The following CADM2 variants were observed in gnomAD, a reference collection of about 807,000 sequenced individuals.
CADM2 encodes cell adhesion molecule 2.
In CADM2, 12 loss-of-function variants were observed where a neutral mutation model predicts 49.8. The ratio of observed to expected loss-of-function variants is 0.24; its 90% CI spans 0.15 to 0.39. The LOEUF (loss-of-function observed/expected upper bound fraction) is 0.39, where lower values mean the gene tolerates loss of function less well. Ranked by LOEUF, CADM2 falls within the 10% of genes least tolerant of loss-of-function variation. The pLI is 1.00. For missense variants in CADM2, 378 were observed against 492.3 expected (o/e 0.77, Z 2.20); for synonymous variants, 214 against 175.4 (o/e 1.22, Z -1.74).
At chr3:85,432,615 T>G (rs1236738946) in intron 1 of CADM2, among the ~76,000 whole-genome samples, 1 of 152,128 alleles carries the variant, frequency 6.6e-6, no homozygotes, top group Non-Finnish European at 1.5e-5. Context: ...AGAAATGTAG[T>G]GTACATAAAA....
intron 1 of CADM2, among the ~76,000 whole-genome samples, chr3:84,984,776 T>C (rs1033903400): frequency 6.6e-6 from 1 of 152,170 alleles, no homozygotes; most frequent in African/African-American, 2.4e-5. Flanking sequence ...CTCTAAGGGT[T>C]CTATTTCCAT....
At chr3:85,064,150 G>T (rs1445488454) in intron 1 of CADM2, among the ~76,000 whole-genome samples, 3 of 152,048 alleles carry the variant, frequency 2.0e-5, no homozygotes, top group Non-Finnish European at 4.4e-5. Context: ...CTTGCTCTAG[G>T]AAGCAAATTT....
At chr3:85,569,663 G>T (rs1216957818) in intron 1 of CADM2, among the ~76,000 whole-genome samples, 3 of 146,678 alleles carry the variant, frequency 2.0e-5, no homozygotes, top group Non-Finnish European at 3.0e-5. Context: ...TGGGATGATT[G>T]GTTAGATCAA....
At chr3:85,640,943 T>C (rs1231599342) in intron 1 of CADM2, among the ~76,000 whole-genome samples, 2 of 152,190 alleles carry the variant, frequency 1.3e-5, no homozygotes, top group Non-Finnish European at 2.9e-5. Context: ...AGTTTTTGCC[T>C]AATCTATACC....
At chr3:85,441,776 T>C (rs1167416571) in intron 1 of CADM2, among the ~76,000 whole-genome samples, 1 of 151,400 alleles carries the variant, frequency 6.6e-6, no homozygotes, top group African/African-American at 2.4e-5. Flanking sequence ...TTGAATAGAG[T>C]GGGAGGTTAT....
intron 1 of CADM2, among the ~76,000 whole-genome samples, chr3:84,986,909 G>T (rs887914579): frequency 6.6e-6 from 1 of 151,538 alleles, no homozygotes; most frequent in Admixed American, 6.6e-5. Flanking sequence ...AAAATTAGCT[G>T]GGTGTGGTGG....
At chr3:85,455,184 G>T (rs546436741) in intron 1 of CADM2, among the ~76,000 whole-genome samples, 11 of 152,172 alleles carry the variant, frequency 7.2e-5, no homozygotes, top group African/African-American at 2.4e-4. Flanking sequence ...GCTCAAAAAA[G>T]AAAAAGCTTA....
At chr3:85,076,158 A>G (rs2036933588) in intron 1 of CADM2, among the ~76,000 whole-genome samples, 1 of 152,144 alleles carries the variant, frequency 6.6e-6, no homozygotes, top group Middle Eastern at 3.2e-3. Flanking sequence ...TCTTTAAATA[A>G]TTATCCTCCC....
At chr3:85,034,790 CTTTTTTTTTTTTT>C (rs1179967499) in intron 1 of CADM2, among the ~76,000 whole-genome samples, 1 of 84,098 alleles carries the variant, frequency 1.2e-5, no homozygotes, top group Non-Finnish European at 2.2e-5. Flanking sequence ...AGACATTTTG[CTTTTTTTTTTTTT>C]TTTTTTTTTT....
intron 2 of CADM2, among the ~76,000 whole-genome samples, chr3:85,766,271 G>A (rs1351339532): frequency 2.0e-5 from 3 of 152,036 alleles, no homozygotes; most frequent in Admixed American, 2.0e-4. Flanking sequence ...TGTGCTCTAG[G>A]TAAGATAAAC....
At chr3:85,401,764 C>T (rs910130307) in intron 1 of CADM2, among the ~76,000 whole-genome samples, 6 of 152,078 alleles carry the variant, frequency 3.9e-5, no homozygotes, top group Non-Finnish European at 7.4e-5. Flanking sequence ...TTACCACCAC[C>T]TCTCCCACCC....
chr3:85,326,606 T>C (rs1330852963), intron 1 of CADM2, among the ~76,000 whole-genome samples: 2 of 152,158 alleles, frequency 1.3e-5, no homozygotes, highest in Non-Finnish European at 2.9e-5. Flanking sequence ...AATTTTGAAA[T>C]GATTTTTCAC....
chr3:85,867,173 A>T (rs1481076759), intron 3 of CADM2, among the ~76,000 whole-genome samples: 1 of 152,102 alleles, frequency 6.6e-6, no homozygotes, highest in East Asian at 1.9e-4. Context: ...AAACGTAACA[A>T]CTGTATGTCT....
At chr3:85,090,641 C>G (rs1399205138) in intron 1 of CADM2, among the ~76,000 whole-genome samples, 1 of 152,130 alleles carries the variant, frequency 6.6e-6, no homozygotes. Flanking sequence ...GGCTGTGGAC[C>G]TTACCGGTCA....
At chr3:85,269,677 C>T (rs1005258184) in intron 1 of CADM2, among the ~76,000 whole-genome samples, 2 of 151,282 alleles carry the variant, frequency 1.3e-5, no homozygotes, top group African/African-American at 2.4e-5. Context: ...TCTCTCAGAT[C>T]ACTATGTTCT....
rs559476522 is a variant in CADM2, at chr3:84,986,092, A to G, written c.61+26424A>G. ...AAATAAAAAGTCATCAAGACATTTA[A>G]CATAGAGAATTAGGAAAACACCAGA... On this transcript the variant is annotated intron_variant, in intron 1 of 9. Coordinates refer to ENST00000383699, the MANE Select transcript of CADM2 (RefSeq NM_001167675.2). 5.3e-5 allele frequency among the ~76,000 whole-genome samples: 8 copies of G among 152,352 alleles called. No individual in the cohort carries two copies. In the East Asian group the frequency reaches 9.6e-4, roughly 18 times the overall value.
chr3:85,813,417 T>A (rs2073009019), intron 3 of CADM2, among the ~76,000 whole-genome samples: 1 of 152,180 alleles, frequency 6.6e-6, no homozygotes, highest in East Asian at 1.9e-4. Flanking sequence ...CTTATAAATT[T>A]GTTTAAGTTT....
chr3:85,758,538 A>G (rs762666864), intron 2 of CADM2, among the ~76,000 whole-genome samples: 14 of 151,790 alleles, frequency 9.2e-5, no homozygotes, highest in Non-Finnish European at 1.9e-4. Context: ...TTTATAAAAC[A>G]CAGACAAATT....
intron 1 of CADM2, among the ~76,000 whole-genome samples, chr3:85,166,731 G>C (rs1458545868): frequency 6.6e-6 from 1 of 151,884 alleles, no homozygotes; most frequent in East Asian, 1.9e-4. Context: ...ATATCAGTAA[G>C]TTTAAATACT....
Sources: gnomAD v4.1 joint callset for allele counts (sites outside exome capture counted in the v4.1 genomes callset) on GRCh38, gnomAD v4.1.1 for gene constraint, MANE v1.5 for transcripts, NCBI Gene and HGNC (gene_info 2026-07-23, HGNC 2026-07-21) for gene names.